SLC38A8: variants seen among roughly 807,000 people sequenced by gnomAD.
The protein encoded by SLC38A8 is solute carrier family 38 member 8.
A neutral mutation model predicts 46.0 loss-of-function variants in SLC38A8; 65 were observed. The ratio of observed to expected loss-of-function variants is 1.41; its 90% confidence interval spans 1.16 to 1.74. SLC38A8 has a LOEUF of 1.74. Among genes scored for constraint, SLC38A8 ranks in the 40% most tolerant of loss-of-function variants. SLC38A8 has a pLI of 0.00. For missense variants in SLC38A8, 998 were observed against 567.9 expected (o/e 1.76, Z -7.70); for synonymous variants, 447 against 243.7 (o/e 1.83, Z -7.77).
At chr16:84,025,441 T>C (rs1439304428) in intron 6 of SLC38A8, among the ~76,000 whole-genome samples, 1 of 152,144 alleles carries the variant, frequency 6.6e-6, no homozygotes, top group East Asian at 1.9e-4. Flanking sequence ...GCTGGTTTCC[T>C]CTCTCACACA....
intron 9 of SLC38A8, among the ~76,000 whole-genome samples, chr16:84,014,572 C>T (rs1227990516): frequency 1.3e-5 from 2 of 151,458 alleles, no homozygotes; most frequent in African/African-American, 4.9e-5. Context: ...CCACCCAGAA[C>T]CTGAGGGAGG....
rs116386511 is a variant in SLC38A8, at chr16:84,016,821, A to G, written c.954-94T>C. ...CCCAGTCCTCCAGGAGTCCCCTCAC[A>G]CCTGTCAGTGCTCCTGTTCCACACT... is the stretch of plus-strand genomic sequence containing the variant. On this transcript the variant is annotated intron_variant, in intron 8 of 10. Transcript: ENST00000299709. The G allele has an allele frequency of 2.6e-3, 3,381 of 1,324,288 alleles. 64 individuals carry two copies. In the African/African-American group the frequency reaches 0.044, roughly 17 times the overall value. The allele number at this position is 1,324,288 out of a possible 1,614,324, so 82.0% of individuals were successfully genotyped here.
At chr16:84,012,770 C>A (rs1326672432) in intron 10 of SLC38A8, among the ~76,000 whole-genome samples, 1 of 152,224 alleles carries the variant, frequency 6.6e-6, no homozygotes, top group Non-Finnish European at 1.5e-5. Flanking sequence ...CAACCACAGA[C>A]CCTCAGAGTG....
At chr16:84,016,899 T>C (rs890900844) in intron 8 of SLC38A8, 172 bp from the exon 9 acceptor site, 2 of 984,276 alleles carry the variant, frequency 2.0e-6, no homozygotes, top group South Asian at 1.7e-5. Context: ...TCTGCCACCA[T>C]CGGGCAGCCC....
intron 7 of SLC38A8, among the ~76,000 whole-genome samples, chr16:84,019,342 G>A (rs1344119314): frequency 1.3e-5 from 2 of 152,056 alleles, no homozygotes; most frequent in African/African-American, 2.4e-5. Context: ...CCATAATGCT[G>A]GGATTACAAG....
intron 9 of SLC38A8, among the ~76,000 whole-genome samples, chr16:84,016,292 C>T (rs375739801): frequency 6.6e-6 from 1 of 152,330 alleles, no homozygotes; most frequent in Middle Eastern, 3.4e-3. Context: ...TGGGTGTGAA[C>T]ACAACCAAAC....
chr16:84,041,863 T>A (rs994638288), intron 2 of SLC38A8, 106 bp downstream of exon 2: 2 of 1,001,640 alleles, frequency 2.0e-6, no homozygotes, highest in African/African-American at 3.2e-5. Context: ...CCCGAAGCTA[T>A]AGCTTACAGG....
intron 6 of SLC38A8, among the ~76,000 whole-genome samples, chr16:84,023,188 C>T (rs368829921): frequency 6.6e-6 from 1 of 152,006 alleles, no homozygotes; most frequent in East Asian, 1.9e-4. Flanking sequence ...TACAAACACC[C>T]ACTGCCCCTT....
chr16:84,026,852 C>T (rs571115110), intron 6 of SLC38A8, among the ~76,000 whole-genome samples: 1 of 152,130 alleles, frequency 6.6e-6, no homozygotes, highest in East Asian at 1.9e-4. Flanking sequence ...TCCAGACAGA[C>T]AAGAAGTGCA....
At chr16:84,029,362 C>G in intron 6 of SLC38A8, 132 bp downstream of exon 6, 2 of 866,888 alleles carry the variant, frequency 2.3e-6, no homozygotes, top group Non-Finnish European at 3.6e-6. Context: ...GTGGGCGGCA[C>G]AGAGCCCACT....
At chr16:84,014,001 C>G (rs1173987576) in intron 9 of SLC38A8, among the ~76,000 whole-genome samples, 1 of 151,916 alleles carries the variant, frequency 6.6e-6, no homozygotes, top group East Asian at 1.9e-4. Context: ...TGTGGCCACA[C>G]CCTCAGCCCT....
intron 6 of SLC38A8, among the ~76,000 whole-genome samples, chr16:84,025,737 T>C (rs11862961): frequency 0.47 from 71,185 of 152,156 alleles, 17,448 homozygotes; most frequent in East Asian, 0.63. Context: ...AGCTGTCCTC[T>C]CACCCCCAGG....
chr16:84,033,172 A>G (rs1351156577), intron 4 of SLC38A8, among the ~76,000 whole-genome samples, 156 bp downstream of exon 4: 1 of 152,198 alleles, frequency 6.6e-6, no homozygotes, highest in Non-Finnish European at 1.5e-5. Context: ...GTTTTGCATC[A>G]TGCATACATT....
chr16:84,042,467 A>C, intron 1 of SLC38A8, 84 bp downstream of exon 1: 13 of 237,352 alleles, frequency 5.5e-5, no homozygotes, highest in East Asian at 2.7e-4. Flanking sequence ...ATCCCCATCA[A>C]TCCTCTCTCC....
intron 2 of SLC38A8, 135 bp downstream of exon 2, chr16:84,041,834 G>T: frequency 1.3e-6 from 1 of 786,222 alleles, no homozygotes; most frequent in Non-Finnish European, 2.0e-6. Context: ...CATTAGCTGA[G>T]CGGGATAGAA....
Position 84,025,422 on chromosome 16 carries a change from C to T in SLC38A8, c.691-2533G>A, listed in dbSNP as rs542981810. Reference sequence around the variant, plus strand: ...CCTCTGCACCCTCCTGGGGAGCCCTCCCGAGTGGGCTGGTTTCCTCTCTCA... The same window carrying T: ...CCTCTGCACCCTCCTGGGGAGCCCTTCCGAGTGGGCTGGTTTCCTCTCTCA... On this transcript the variant is annotated intron_variant, in intron 6 of 10. Coordinates refer to ENST00000299709, the MANE Select transcript of SLC38A8 (RefSeq NM_001080442.3). Among the ~76,000 whole-genome samples, 6 of 152,318 alleles carry T rather than the reference C, an allele frequency of 3.9e-5. No individual in the cohort carries two copies. The South Asian group carries it at 1.0e-3, about 26-fold the overall frequency.
intron 7 of SLC38A8, 76 bp downstream of exon 7, chr16:84,022,699 A>G (rs1339870221): frequency 8.8e-7 from 1 of 1,141,490 alleles, no homozygotes; most frequent in Non-Finnish European, 1.3e-6. Context: ...TAAACTCTCT[A>G]GAGAGATACT....
intron 9 of SLC38A8, among the ~76,000 whole-genome samples, chr16:84,014,456 C>G (rs558754825): frequency 1.3e-5 from 2 of 151,826 alleles, no homozygotes; most frequent in South Asian, 4.2e-4. Context: ...AAAGCCCTGC[C>G]CAGAGTCGAG....
chr16:84,034,733 G>T (rs537163214), intron 3 of SLC38A8, among the ~76,000 whole-genome samples: 1 of 152,116 alleles, frequency 6.6e-6, no homozygotes, highest in South Asian at 2.1e-4. Flanking sequence ...TGGGAGAGCC[G>T]AGATGCCAAG....
Sources: gnomAD v4.1 joint callset for allele counts (sites outside exome capture counted in the v4.1 genomes callset) on GRCh38, gnomAD v4.1.1 for gene constraint, MANE v1.5 for transcripts, NCBI Gene and HGNC (gene_info 2026-07-23, HGNC 2026-07-21) for gene names.